PCGF5: variants seen among roughly 807,000 people sequenced by gnomAD.
PCGF5 encodes polycomb group RING finger protein 5.
A neutral mutation model predicts 44.3 loss-of-function variants in PCGF5; 9 were observed. The ratio of observed to expected loss-of-function variants is 0.20; its 90% CI spans 0.12 to 0.35. The LOEUF (loss-of-function observed/expected upper bound fraction) is 0.35, where lower values mean the gene tolerates loss of function less well. PCGF5 is among the 10% of genes least tolerant of loss of function. PCGF5 has a pLI of 1.00. For missense variants in PCGF5, 146 were observed against 305.3 expected (o/e 0.48, Z 3.89); for synonymous variants, 95 against 102.5 (o/e 0.93, Z 0.44).
At chr10:91,223,241 T>C (rs1049091376) in intron 2 of PCGF5, among the ~76,000 whole-genome samples, 2 of 152,234 alleles carry the variant, frequency 1.3e-5, no homozygotes, top group Admixed American at 6.5e-5. Flanking sequence ...TTATCAGTTA[T>C]GGTTTTTTTA....
rs1043423764 is a variant in PCGF5 at position 91,267,288 on chromosome 10, C to T, written c.663+2768C>T. Among the ~76,000 whole-genome samples the T allele has an allele frequency of 2.6e-5, 4 of 152,180 alleles. No individual in the cohort carries two copies. The East Asian group carries it at 7.7e-4, about 29-fold the overall frequency. ...CCTCTGACCTCCTCTAAAACTACAA[C>T]CCCCTCTCCCGATGGCATTCTTACT... On this transcript the variant is annotated intron_variant, in intron 8 of 9. Coordinates refer to ENST00000336126, the MANE Select transcript of PCGF5 (RefSeq NM_032373.5).
the PCGF5 span, among the ~76,000 whole-genome samples, chr10:91,157,400 T>C: frequency 5.3e-5 from 8 of 152,238 alleles, no homozygotes; most frequent in Non-Finnish European, 1.2e-4. Flanking sequence ...ATGTTGAATT[T>C]GATTTTATAT....
chr10:91,263,870 G>A (rs1702262968), intron 7 of PCGF5, among the ~76,000 whole-genome samples: 1 of 152,166 alleles, frequency 6.6e-6, no homozygotes, highest in African/African-American at 2.4e-5. Context: ...CGTAACTTTT[G>A]TATCAAATTA....
intron 2 of PCGF5, among the ~76,000 whole-genome samples, chr10:91,238,601 C>CTTTTCTTTCTTTTTTTT (rs1845235491): frequency 1.7e-5 from 1 of 58,440 alleles, no homozygotes; most frequent in African/African-American, 7.0e-5. Flanking sequence ...TTCTTTCTTT[C>CTTTTCTTTCTTTTTTTT]TTTTTTTTTT....
At chr10:91,198,714 A>G (rs1844192347) in intron 1 of PCGF5, among the ~76,000 whole-genome samples, 1 of 152,184 alleles carries the variant, frequency 6.6e-6, no homozygotes, top group Non-Finnish European at 1.5e-5. Flanking sequence ...CATTGAATCA[A>G]TCCTGAGTTT....
intron 1 of PCGF5, among the ~76,000 whole-genome samples, chr10:91,194,415 A>C (rs11186492): frequency 0.18 from 27,494 of 152,106 alleles, 3,090 homozygotes; most frequent in East Asian, 0.49. Context: ...GAAGGGGGCC[A>C]CTGGCCAAGG....
chr10:91,163,515 G>C (rs1158651103), intron 1 of PCGF5, among the ~76,000 whole-genome samples: 1 of 151,982 alleles, frequency 6.6e-6, no homozygotes, highest in Non-Finnish European at 1.5e-5. Context: ...GGCAGCAGCG[G>C]CGCCTCCGCC....
At chr10:91,264,631 G>GA in intron 8 of PCGF5, 111 bp downstream of exon 8, 1 of 813,686 alleles carries the variant, frequency 1.2e-6, no homozygotes, top group East Asian at 2.7e-5. Flanking sequence ...GGAAGGAGAA[G>GA]AAACTGGTTT....
At chr10:91,236,162 G>A in intron 2 of PCGF5, among the ~76,000 whole-genome samples, 1 of 152,166 alleles carries the variant, frequency 6.6e-6, no homozygotes, top group East Asian at 1.9e-4. Flanking sequence ...CTAATTCTGA[G>A]ATGCATTGCA....
intron 7 of PCGF5, among the ~76,000 whole-genome samples, chr10:91,263,576 C>A (rs1460520672): frequency 6.6e-6 from 1 of 152,116 alleles, no homozygotes; most frequent in Admixed American, 6.6e-5. Flanking sequence ...TTTTTAATAG[C>A]TAGAGAACTA....
At chr10:91,247,447 T>C (rs1845495298) in intron 3 of PCGF5, among the ~76,000 whole-genome samples, 1 of 152,046 alleles carries the variant, frequency 6.6e-6, no homozygotes, top group Non-Finnish European at 1.5e-5. Flanking sequence ...GAAGGAAAGA[T>C]TGAGAAACAG....
chr10:91,178,172 G>A (rs777697057), intron 1 of PCGF5, among the ~76,000 whole-genome samples: 2 of 152,034 alleles, frequency 1.3e-5, no homozygotes, highest in Admixed American at 6.5e-5. Flanking sequence ...TGGCATAACT[G>A]TACAGTATTA....
intron 2 of PCGF5, among the ~76,000 whole-genome samples, chr10:91,239,021 C>T (rs1190342218): frequency 6.6e-6 from 1 of 152,090 alleles, no homozygotes; most frequent in Non-Finnish European, 1.5e-5. Context: ...TCCAACAAAA[C>T]TGCTCAAATG....
intron 1 of PCGF5, among the ~76,000 whole-genome samples, chr10:91,177,786 T>C (rs1205081506): frequency 6.6e-6 from 1 of 152,166 alleles, no homozygotes; most frequent in East Asian, 1.9e-4. Flanking sequence ...GTGACCCAAT[T>C]TTCCAGGTGC....
upstream of PCGF5, among the ~76,000 whole-genome samples, chr10:91,159,548 C>T (rs1433405195): frequency 1.3e-5 from 2 of 152,202 alleles, no homozygotes; most frequent in Non-Finnish European, 2.9e-5. Flanking sequence ...GAAAGGCCCT[C>T]AGCCAACCCC....
intron 9 of PCGF5, among the ~76,000 whole-genome samples, chr10:91,272,104 A>T (rs1241663062): frequency 6.6e-6 from 1 of 152,216 alleles, no homozygotes; most frequent in Non-Finnish European, 1.5e-5. Context: ...AGCTGATTCT[A>T]ATTATGAGCT....
chr10:91,223,077 A>G, intron 2 of PCGF5, 94 bp downstream of exon 2: 1 of 799,254 alleles, frequency 1.3e-6, no homozygotes, highest in Admixed American at 2.5e-5. Flanking sequence ...CTATGTTGTA[A>G]CTTTTAAGAA....
chr10:91,156,766 C>A, the PCGF5 span, among the ~76,000 whole-genome samples: 1 of 152,120 alleles, frequency 6.6e-6, no homozygotes, highest in African/African-American at 2.4e-5. Context: ...CAAGTGGTAC[C>A]CACCACATTT....
chr10:91,225,245 GAT>G (rs1253738263), intron 2 of PCGF5, among the ~76,000 whole-genome samples: 1 of 144,854 alleles, frequency 6.9e-6, no homozygotes, highest in Non-Finnish European at 1.5e-5. Flanking sequence ...ATGTATATAT[GAT>G]ATATATCGTA....
Sources: allele counts gnomAD v4.1 joint callset (sites outside exome capture counted in the v4.1 genomes callset), GRCh38; gene constraint gnomAD v4.1.1; transcripts MANE v1.5; gene names NCBI Gene and HGNC (gene_info 2026-07-23, HGNC 2026-07-21).